The following FGF14 variants were observed in gnomAD, a reference collection of about 807,000 sequenced individuals.
The protein encoded by FGF14 is fibroblast growth factor homologous factor 4.
In FGF14, 5 loss-of-function variants were observed where a neutral mutation model predicts 25.5. The observed-to-expected ratio is 0.20, with a 90% CI of 0.10 to 0.41. The LOEUF is 0.41. FGF14 is among the 10% of genes least tolerant of loss of function. The probability of loss-of-function intolerance (pLI) is 1.00; values close to 1 mark genes in which losing one functional copy is unlikely to be tolerated. For synonymous variants in FGF14, 138 were observed against 118.3 expected (o/e 1.17, Z -1.08); for missense variants, 222 against 320.1 (o/e 0.69, Z 2.34).
intron 1 of FGF14, among the ~76,000 whole-genome samples, chr13:101,932,657 T>C (rs371593320): frequency 4.6e-5 from 7 of 150,944 alleles, no homozygotes; most frequent in African/African-American, 7.3e-5. Flanking sequence ...ACTGGCTGAG[T>C]TGAATTAGGA....
chr13:102,088,442 A>G (rs1808126534), intron 1 of FGF14, among the ~76,000 whole-genome samples: 1 of 152,234 alleles, frequency 6.6e-6, no homozygotes, highest in African/African-American at 2.4e-5. Flanking sequence ...GTTACAATGT[A>G]CCATTTGCAT....
chr13:102,396,948 T>A (rs1195731832), intron 1 of FGF14, among the ~76,000 whole-genome samples: 1 of 152,216 alleles, frequency 6.6e-6, no homozygotes, highest in African/African-American at 2.4e-5. Context: ...AATACTACAT[T>A]GAATCCCACT....
chr13:102,049,588 G>A (rs1221416357), intron 1 of FGF14, among the ~76,000 whole-genome samples: 4 of 152,002 alleles, frequency 2.6e-5, no homozygotes, highest in Non-Finnish European at 5.9e-5. Context: ...ATATATTAAG[G>A]TTCTAACCAC....
intron 1 of FGF14, among the ~76,000 whole-genome samples, chr13:102,282,795 T>C (rs1241450647): frequency 2.0e-5 from 3 of 151,932 alleles, no homozygotes; most frequent in African/African-American, 7.3e-5. Context: ...TCACTCATAT[T>C]CCATTGGCCA....
chr13:101,751,911 AAAAAC>A (rs1341198684), intron 3 of FGF14, among the ~76,000 whole-genome samples: 2 of 152,158 alleles, frequency 1.3e-5, no homozygotes, highest in Non-Finnish European at 1.5e-5. Context: ...TCTGGGGGAA[AAAAAC>A]AAAACAAAAC....
At chr13:102,350,984 C>T (rs2057262040) in intron 1 of FGF14, among the ~76,000 whole-genome samples, 1 of 152,132 alleles carries the variant, frequency 6.6e-6, no homozygotes, top group Non-Finnish European at 1.5e-5. Context: ...CCACAACACC[C>T]ACGTTGCTCC....
chr13:101,866,555 A>G (rs1489770067), intron 3 of FGF14, among the ~76,000 whole-genome samples: 1 of 151,886 alleles, frequency 6.6e-6, no homozygotes, highest in Non-Finnish European at 1.5e-5. Context: ...GACAGAGTGG[A>G]TTGTACAAAT....
intron 1 of FGF14, among the ~76,000 whole-genome samples, chr13:102,372,448 C>A (rs1377911896): frequency 1.3e-5 from 2 of 152,164 alleles, no homozygotes; most frequent in African/African-American, 4.8e-5. Context: ...GACGAGAAGA[C>A]TAGCGATGAA....
chr13:102,090,655 C>G (rs1449177144), intron 1 of FGF14, among the ~76,000 whole-genome samples: 1 of 152,192 alleles, frequency 6.6e-6, no homozygotes. Context: ...ACGTCCTCTG[C>G]GTGCCTTTTT....
At chr13:102,079,653 A>C (rs1796159690) in intron 1 of FGF14, among the ~76,000 whole-genome samples, 1 of 152,128 alleles carries the variant, frequency 6.6e-6, no homozygotes, top group African/African-American at 2.4e-5. Flanking sequence ...CAGTGAACAA[A>C]ACACAGAGAG....
chr13:101,885,175 T>C lies in FGF14; in HGVS notation c.194-9879A>G, dbSNP rs569087119. Among the ~76,000 whole-genome samples, 10 of 152,316 alleles carry C rather than the reference T, an allele frequency of 6.6e-5. 1 individual carries two copies. The South Asian group carries it at 1.4e-3, about 22-fold the overall frequency. ...AGTCCAGGGCTATTTTAGAGGTAGT[T>C]TGAGCTGGAAGAACATTTGCACTAG... On this transcript the variant is annotated intron_variant, in intron 1 of 4. Transcript: ENST00000376143.
intron 1 of FGF14, among the ~76,000 whole-genome samples, chr13:101,892,993 G>A (rs2029984850): frequency 6.6e-6 from 1 of 152,152 alleles, no homozygotes; most frequent in African/African-American, 2.4e-5. Context: ...GTAGACAGGT[G>A]AACTATCACT....
At chr13:101,778,891 G>A (rs1241427703) in intron 3 of FGF14, 1 of 151,986 alleles carries the variant, frequency 6.6e-6, no homozygotes, top group Non-Finnish European at 1.5e-5. Flanking sequence ...ATCAAGGAGA[G>A]AGCATAACAC....
intron 1 of FGF14, among the ~76,000 whole-genome samples, chr13:101,944,251 C>T (rs2035665032): frequency 6.6e-6 from 1 of 152,084 alleles, no homozygotes; most frequent in African/African-American, 2.4e-5. Context: ...TTATGGTCTT[C>T]CTCAGGATTA....
intron 1 of FGF14, among the ~76,000 whole-genome samples, chr13:102,010,997 A>T (rs976688138): frequency 8.5e-5 from 13 of 152,174 alleles, no homozygotes; most frequent in African/African-American, 3.1e-4. Flanking sequence ...TATATTTAGA[A>T]TAGGTTTTCT....
chr13:102,150,871 C>T (rs1402494341), intron 1 of FGF14, among the ~76,000 whole-genome samples: 2 of 152,112 alleles, frequency 1.3e-5, no homozygotes, highest in African/African-American at 4.8e-5. Flanking sequence ...TAGGACAGCC[C>T]CTACAATTAA....
Position 101,711,769 on chromosome 13 carries a change from A to C in FGF14, c.*11062T>G, listed in dbSNP as rs992700383. On this transcript the variant is annotated 3_prime_UTR_variant, in exon 5 of 5. Transcript: ENST00000376143. ...AATGTGGCTGATTCCCCAGGGATGG[A>C]AGCCAGCAAAAATGCACAGAAGGGA... The C allele has an allele frequency of 6.6e-6, 1 of 152,244 alleles. No homozygotes were observed. The highest frequency in any genetic ancestry group is 2.4e-5 in the African/African-American group (1 of 41,458). 9.4% of individuals were successfully genotyped at this position (152,244 alleles called of 1,614,324 possible). A position where few individuals can be genotyped will look rare whatever the true frequency, so the allele number is the denominator to read the frequency against.
At chr13:102,193,734 G>C (rs547607592) in intron 1 of FGF14, among the ~76,000 whole-genome samples, 40 of 152,110 alleles carry the variant, frequency 2.6e-4, no homozygotes, top group Non-Finnish European at 5.0e-4. Flanking sequence ...ATGAAACAAA[G>C]AACAACAATA....
chr13:102,202,579 T>G (rs1369001038), intron 1 of FGF14, among the ~76,000 whole-genome samples: 1 of 152,210 alleles, frequency 6.6e-6, no homozygotes, highest in African/African-American at 2.4e-5. Context: ...GGGGAAAAAG[T>G]CCTTTGCAGT....
Sources: allele counts gnomAD v4.1 joint callset (sites outside exome capture counted in the v4.1 genomes callset), GRCh38; gene constraint gnomAD v4.1.1; transcripts MANE v1.5; gene names NCBI Gene and HGNC (gene_info 2026-07-23, HGNC 2026-07-21).